UBE2G2: variants seen among roughly 807,000 people sequenced by gnomAD.
UBE2G2 encodes the protein ubiquitin conjugating enzyme E2 G2, also known as ubiquitin-conjugating enzyme E2 G2.
In UBE2G2, 10 loss-of-function variants were observed where a neutral mutation model predicts 23.0. The ratio of observed to expected loss-of-function variants is 0.43; its 90% confidence interval spans 0.27 to 0.74. The LOEUF (loss-of-function observed/expected upper bound fraction) is 0.74, where lower values mean the gene tolerates loss of function less well. Ranked by LOEUF, UBE2G2 falls within the 30% of genes least tolerant of loss-of-function variation. The pLI, the probability that UBE2G2 is intolerant of heterozygous loss-of-function variation, is 0.19. For synonymous variants in UBE2G2, 86 were observed against 81.3 expected (o/e 1.06, Z -0.31); for missense variants, 150 against 218.3 (o/e 0.69, Z 1.97).
chr21:44,799,665 A>G (rs782051176), intron 1 of UBE2G2, among the ~76,000 whole-genome samples: 3 of 152,240 alleles, frequency 2.0e-5, no homozygotes, highest in Non-Finnish European at 4.4e-5. Context: ...CCAAACCACT[A>G]AAACTTTCTC....
At chr21:44,779,633 G>C (rs1555961077) in intron 3 of UBE2G2, among the ~76,000 whole-genome samples, 1 of 152,142 alleles carries the variant, frequency 6.6e-6, no homozygotes, top group African/African-American at 2.4e-5. Flanking sequence ...CTCAACACAG[G>C]GTGGGCACAC....
At chr21:44,799,759 T>A (rs1468562148) in intron 1 of UBE2G2, among the ~76,000 whole-genome samples, 1 of 152,264 alleles carries the variant, frequency 6.6e-6, no homozygotes, top group Non-Finnish European at 1.5e-5. Flanking sequence ...GAACTTTTCC[T>A]TTGCATTCAC....
At position 44,770,285 on chromosome 21, in the gene UBE2G2, G is replaced by C. The variant is rs1458561330; in HGVS notation, c.*1092C>G. On this transcript the variant is annotated 3_prime_UTR_variant, in exon 6 of 6. Transcript: ENST00000345496. ...AAAAAAAATTTTTTCTGTAGATCCAGAAGAAACTTTCATTGAAACTTTAAA... is the reference window on the plus strand; with the variant it reads ...AAAAAAAATTTTTTCTGTAGATCCACAAGAAACTTTCATTGAAACTTTAAA... 1 of 152,164 alleles carries C rather than the reference G, an allele frequency of 6.6e-6. No individual in the cohort carries two copies. The highest frequency in any genetic ancestry group is 2.4e-5 in the African/African-American group (1 of 41,420). The allele number at this position is 152,164 out of a possible 1,614,324, so 9.4% of individuals were successfully genotyped here. A position where few individuals can be genotyped will look rare whatever the true frequency, so the allele number is the denominator to read the frequency against.
intron 1 of UBE2G2, among the ~76,000 whole-genome samples, chr21:44,793,608 C>T (rs932973687): frequency 1.4e-5 from 2 of 141,756 alleles, no homozygotes; most frequent in Admixed American, 1.4e-4. Flanking sequence ...CATATACACG[C>T]GTACACAAAA....
chr21:44,777,289 A>G lies in UBE2G2; in HGVS notation c.244+10T>C. The stretch of plus-strand genomic sequence containing the variant: ...CTGGTACCACAAAAACTACTTCCAA[A>G]AGCACTTACTGTTGGGATGAAACAT... On this transcript the variant is annotated intron_variant, in intron 4 of 5. Coordinates refer to ENST00000345496, the MANE Select transcript of UBE2G2 (RefSeq NM_003343.6). 5 of 1,611,578 alleles carry G rather than the reference A, an allele frequency of 3.1e-6. No individual in the cohort carries two copies. Among genetic ancestry groups the G allele is most frequent in the Middle Eastern group, 1.7e-4 (1 of 6,056 alleles).
intron 3 of UBE2G2, 122 bp from the exon 4 acceptor site, chr21:44,777,539 G>T: frequency 1.1e-6 from 1 of 920,652 alleles, no homozygotes; most frequent in South Asian, 1.4e-5. Context: ...CGGGTGCGGT[G>T]GCTCACGCCT....
chr21:44,772,193 G>A lies in UBE2G2; in HGVS notation c.386-704C>T, dbSNP rs578080191. Among the ~76,000 whole-genome samples the A allele has an allele frequency of 1.3e-5, 2 of 152,274 alleles. No individual in the cohort carries two copies. Among genetic ancestry groups the A allele is most frequent in the South Asian group, 2.1e-4 (1 of 4,820 alleles). ...CACGTGGGGACCGGTTCAGAGCAGA[G>A]TTGATGAGGATAAAACCCACAGCTG... On this transcript the variant is annotated intron_variant, in intron 5 of 5. Coordinates refer to ENST00000345496, the MANE Select transcript of UBE2G2 (RefSeq NM_003343.6). The surrounding 1 kb of genome is among the most constrained non-coding windows in gnomAD (Gnocchi z 5.4).
intron 1 of UBE2G2, among the ~76,000 whole-genome samples, chr21:44,794,069 T>C (rs1354122913): frequency 5.3e-5 from 8 of 152,116 alleles, no homozygotes; most frequent in African/African-American, 1.7e-4. Flanking sequence ...ATTAATGTGG[T>C]CATTAGGGTG....
At position 44,771,929 on chromosome 21, in the gene UBE2G2, C is replaced by T. The variant is rs1156627734; in HGVS notation, c.386-440G>A. Among the ~76,000 whole-genome samples the T allele has an allele frequency of 6.6e-6, 1 of 152,144 alleles. No individual in the cohort carries two copies. The highest frequency in any genetic ancestry group is 1.5e-5 in the Non-Finnish European group (1 of 68,022). On this transcript the variant is annotated intron_variant, in intron 5 of 5. Coordinates refer to ENST00000345496, the MANE Select transcript of UBE2G2 (RefSeq NM_003343.6). This position sits in a 1 kb window ranked among gnomAD's most constrained non-coding sequence, Gnocchi z 4.6. ...GCGCCCTCTCAGCAAAACTGCCCCTCACAGCTCCTACCAAGACAATCCCAA... is the reference window on the plus strand; with the variant it reads ...GCGCCCTCTCAGCAAAACTGCCCCTTACAGCTCCTACCAAGACAATCCCAA...
At chr21:44,781,235 C>T (rs782423826) in intron 3 of UBE2G2, among the ~76,000 whole-genome samples, 3 of 152,228 alleles carry the variant, frequency 2.0e-5, no homozygotes, top group Non-Finnish European at 4.4e-5. Flanking sequence ...GAAGGGCAAA[C>T]TGCTTCATGG....
At chr21:44,791,009 A>C (rs2146400930) in intron 1 of UBE2G2, among the ~76,000 whole-genome samples, 2 of 152,316 alleles carry the variant, frequency 1.3e-5, no homozygotes, top group South Asian at 4.1e-4. Context: ...GGTCTGAAAA[A>C]GAGAAGAGGA....
At chr21:44,801,496 G>C in intron 1 of UBE2G2, 1 of 1,093,594 alleles carries the variant, frequency 9.1e-7, no homozygotes, top group Non-Finnish European at 1.2e-6. Context: ...TGCCTTTACT[G>C]ATGCTGGGAA....
chr21:44,795,881 A>G (rs1371069632), intron 1 of UBE2G2, among the ~76,000 whole-genome samples: 2 of 152,136 alleles, frequency 1.3e-5, no homozygotes, highest in Admixed American at 1.3e-4. Flanking sequence ...CACAGGGGGA[A>G]GATGGCCATG....
At chr21:44,795,589 A>G (rs2083081396) in intron 1 of UBE2G2, among the ~76,000 whole-genome samples, 1 of 151,824 alleles carries the variant, frequency 6.6e-6, no homozygotes, top group African/African-American at 2.4e-5. Context: ...CCATGACTAC[A>G]CCACTGCACT....
Position 44,788,144 on chromosome 21 carries a change from T to C in UBE2G2, c.44-49A>G, listed in dbSNP as rs1170106467. 6 of 1,526,734 alleles carry C rather than the reference T, an allele frequency of 3.9e-6. No homozygotes were observed. In the African/African-American group the frequency reaches 4.2e-5, roughly 11 times the overall value. The allele number at this position is 1,526,734 out of a possible 1,614,324, so 94.6% of individuals were successfully genotyped here. On this transcript the variant is annotated intron_variant, in intron 1 of 5. Coordinates refer to ENST00000345496, the MANE Select transcript of UBE2G2 (RefSeq NM_003343.6). ...ATTACCAAACAGAATAAATGTTACA[T>C]TGTCATTTTAACAAAACACCTTTAC...
intron 1 of UBE2G2, among the ~76,000 whole-genome samples, chr21:44,796,910 T>C (rs2083094412): frequency 6.6e-6 from 1 of 152,224 alleles, no homozygotes; most frequent in Non-Finnish European, 1.5e-5. Flanking sequence ...GGTAGAGATC[T>C]TGTCATATGT....
intron 1 of UBE2G2, among the ~76,000 whole-genome samples, chr21:44,788,470 T>A (rs1479838422): frequency 6.6e-6 from 1 of 151,934 alleles, no homozygotes; most frequent in African/African-American, 2.4e-5. Context: ...TTTGTATTTT[T>A]AGTAGAGACG....
intron 1 of UBE2G2, among the ~76,000 whole-genome samples, chr21:44,791,394 C>T (rs1430693135): frequency 6.6e-6 from 1 of 152,178 alleles, no homozygotes; most frequent in African/African-American, 2.4e-5. Context: ...CCCGCTGCTA[C>T]TCTGTGCAGC....
chr21:44,777,510 T>A (rs2146387019), intron 3 of UBE2G2, 93 bp from the exon 4 acceptor site: 1 of 1,340,228 alleles, frequency 7.5e-7, no homozygotes, highest in East Asian at 2.3e-5. Context: ...TTTTACCACT[T>A]TAAAAATGCA....
Sources: gnomAD v4.1 joint callset for allele counts (sites outside exome capture counted in the v4.1 genomes callset) on GRCh38, gnomAD v4.1.1 for gene constraint, Gnocchi (gnomAD v3.1) non-coding constraint, MANE v1.5 for transcripts, NCBI Gene and HGNC (gene_info 2026-07-23, HGNC 2026-07-21) for gene names.